Variants in CDO1 observed in about 807,000 individuals in gnomAD.
The protein encoded by CDO1 is cysteine dioxygenase type 1, also known as cysteine dioxygenase, type I.
In CDO1, 19 loss-of-function variants were observed where a neutral mutation model predicts 24.5. The observed-to-expected ratio is 0.77, with a 90% confidence interval of 0.54 to 1.14. The LOEUF (loss-of-function observed/expected upper bound fraction) is 1.14. Ranked by LOEUF, CDO1 falls within the 50% of genes most tolerant of loss-of-function variation. The pLI, the probability that CDO1 is intolerant of heterozygous loss-of-function variation, is 0.00. For synonymous variants in CDO1, 91 were observed against 87.0 expected, an observed-to-expected ratio of 1.05 and a Z score of -0.26; for missense variants, 244 against 244.8, an observed-to-expected ratio of 1.00 and a Z score of 0.02.
intron 2 of CDO1, 65 bp downstream of exon 2, chr5:115,813,116 A>G: frequency 1.2e-6 from 1 of 855,188 alleles, no homozygotes; most frequent in Non-Finnish European, 2.0e-6. Context: ...CTAGCCTGGT[A>G]CTATATTTTT....
chr5:115,811,119 TG>T, intron 3 of CDO1, 41 bp downstream of exon 3: 2 of 1,575,376 alleles, frequency 1.3e-6, no homozygotes, highest in Non-Finnish European at 1.7e-6. Flanking sequence ...CAAAAGGTCA[TG>T]GTTCTTCCCA....
At position 115,811,858 on chromosome 5, in the gene CDO1, G is replaced by A. The variant is rs540266318; in HGVS notation, c.249-543C>T. On this transcript the variant is annotated intron_variant, in intron 2 of 4. Transcript: ENST00000250535. ...TGTATTACCATCCTAAAGTTACACT[G>A]TATATAAAATGTTAACATTGTGTCA... Among the ~76,000 whole-genome samples the A allele has an allele frequency of 5.3e-5, 8 of 152,274 alleles. No individual in the cohort carries two copies. In the South Asian group the frequency reaches 1.4e-3, roughly 28 times the overall value.
Position 115,811,433 on chromosome 5 carries a change from A to T in CDO1, c.249-118T>A. On this transcript the variant is annotated intron_variant, in intron 2 of 4. Coordinates refer to ENST00000250535, the MANE Select transcript of CDO1 (RefSeq NM_001801.3). ...GTCAATAAGCTATCTCCCCAGCCAA[A>T]ATCCATTTCAGCTGAATTTTTAAAA... 3 of 661,308 alleles carry T rather than the reference A, an allele frequency of 4.5e-6. No individual in the cohort carries two copies. The South Asian group carries it at 7.0e-5, about 15-fold the overall frequency. The allele number at this position is 661,308 out of a possible 1,614,324, so 41.0% of individuals were successfully genotyped here. A position where few individuals can be genotyped will look rare whatever the true frequency, so the allele number is the denominator to read the frequency against.
At position 115,816,450 on chromosome 5, in the gene CDO1, G is replaced by A; in HGVS notation, c.-53C>T. 6.3e-7 allele frequency: 1 copy of A among 1,595,422 alleles called. No homozygotes were observed. The highest frequency in any genetic ancestry group is 1.1e-5 in the South Asian group (1 of 89,926). The stretch of plus-strand genomic sequence containing the variant: ...CTCACTGCTGGGCTGCGGTGGAGGA[G>A]CTGAGCGAGCCAAGGAGCTGGGGGC... On this transcript the variant is annotated 5_prime_UTR_variant, in exon 1 of 5. Coordinates refer to ENST00000250535, the MANE Select transcript of CDO1 (RefSeq NM_001801.3).
intron 3 of CDO1, among the ~76,000 whole-genome samples, chr5:115,808,170 G>A (rs1760032998): frequency 6.6e-6 from 1 of 151,904 alleles, no homozygotes; most frequent in South Asian, 2.1e-4. Context: ...GTAGAGATGG[G>A]GTTTCAACAT....
intron 3 of CDO1, among the ~76,000 whole-genome samples, chr5:115,809,104 A>T (rs969253520): frequency 6.6e-6 from 1 of 152,236 alleles, no homozygotes; most frequent in Non-Finnish European, 1.5e-5. Context: ...GCTAAAGCAC[A>T]GTTTTGAACA....
rs985782810 is a variant in CDO1, at chr5:115,807,304, A to G, written c.404-786T>C. Among the ~76,000 whole-genome samples the G allele has an allele frequency of 3.3e-5, 5 of 152,236 alleles. No individual in the cohort carries two copies. In the South Asian group the frequency reaches 1.0e-3, roughly 31 times the overall value. ...TGTCGCTGGAAGTTCCTGAAGAAAA[A>G]GTCTCTGCCAGACTATCAAAAAGTG... On this transcript the variant is annotated intron_variant, in intron 3 of 4. Coordinates refer to ENST00000250535, the MANE Select transcript of CDO1 (RefSeq NM_001801.3).
Position 115,816,431 on chromosome 5 carries a change from G to A in CDO1, c.-34C>T, listed in dbSNP as rs1247407658. 2 of 1,606,624 alleles carry A rather than the reference G, an allele frequency of 1.2e-6. No individual in the cohort carries two copies. The highest frequency in any genetic ancestry group is 1.7e-5 in the Admixed American group (1 of 59,974). ...GAGCTGGCTGCGCGCGCGTCTCACT[G>A]CTGGGCTGCGGTGGAGGAGCTGAGC... is the stretch of plus-strand genomic sequence containing the variant. On this transcript the variant is annotated 5_prime_UTR_variant, in exon 1 of 5. Coordinates refer to ENST00000250535, the MANE Select transcript of CDO1 (RefSeq NM_001801.3).
At chr5:115,808,073 G>A (rs980916960) in intron 3 of CDO1, among the ~76,000 whole-genome samples, 2 of 151,940 alleles carry the variant, frequency 1.3e-5, no homozygotes, top group Non-Finnish European at 2.9e-5. Context: ...TCCACCTCCC[G>A]GGCTCAAGTG....
At position 115,805,425 on chromosome 5, in the gene CDO1, G is replaced by C; in HGVS notation, c.*8C>G. On this transcript the variant is annotated 3_prime_UTR_variant, in exon 5 of 5. Transcript: ENST00000250535. ...CTTAAAGTAAAACCTCAGAGGGTTT[G>C]GTGCCCCTTAGTTGTTCTCCAGCGA... 6.2e-7 allele frequency: 1 copy of C among 1,613,510 alleles called. No individual in the cohort carries two copies. The highest frequency in any genetic ancestry group is 8.5e-7 in the Non-Finnish European group (1 of 1,179,644).
In CDO1 at chr5:115,806,509, C is replaced by G. The variant is rs1246158304; in HGVS notation, c.413G>C (p.Gly138Ala). Residue 138 changes from glycine to alanine, a missense_variant, in exon 4 of 5, where the codon GGC becomes GCC. Transcript: ENST00000250535. ...GCTGATGTTCTCTACTCGATGTAAG[C>G]CAATGGAATCTAAACAATATCCGGG... ...NQCAYINDSI[G>A]LHRVENISHT... 6.2e-7 allele frequency: 1 copy of G among 1,604,964 alleles called. No individual in the cohort carries two copies. Among genetic ancestry groups the G allele is most frequent in the Non-Finnish European group, 8.5e-7 (1 of 1,177,100 alleles).
rs4921029 is a variant in CDO1, at chr5:115,805,399, C to T, written c.*34G>A. On this transcript the variant is annotated 3_prime_UTR_variant, in exon 5 of 5. Coordinates refer to ENST00000250535, the MANE Select transcript of CDO1 (RefSeq NM_001801.3). ...TTGTCCAAGGCAAACATACAGCGAACCTTAAAGTAAAACCTCAGAGGGTTT... is the reference window on the plus strand; with the variant it reads ...TTGTCCAAGGCAAACATACAGCGAATCTTAAAGTAAAACCTCAGAGGGTTT... 6.2e-7 allele frequency: 1 copy of T among 1,607,316 alleles called. No homozygotes were observed. The highest frequency in any genetic ancestry group is 8.5e-7 in the Non-Finnish European group (1 of 1,175,556).
chr5:115,811,388 A>G, intron 2 of CDO1, 73 bp from the exon 3 acceptor site: 2 of 1,095,310 alleles, frequency 1.8e-6, no homozygotes, highest in South Asian at 2.8e-5. Context: ...CAGTCTTCCC[A>G]GAACTGACAC....
chr5:115,808,464 T>C (rs1329485169), intron 3 of CDO1, among the ~76,000 whole-genome samples: 1 of 152,132 alleles, frequency 6.6e-6, no homozygotes, highest in East Asian at 1.9e-4. Flanking sequence ...CATGGATCCT[T>C]TCTTGTGGAG....
chr5:115,805,152 A>T lies in CDO1; in HGVS notation c.*281T>A, dbSNP rs1344089158. On this transcript the variant is annotated 3_prime_UTR_variant, in exon 5 of 5. Coordinates refer to ENST00000250535, the MANE Select transcript of CDO1 (RefSeq NM_001801.3). ...TATGAAAACCCTCACTGACGCTCCTAGTATGGATTTAATGGAATTAGAGGA... is the reference window on the plus strand; with the variant it reads ...TATGAAAACCCTCACTGACGCTCCTTGTATGGATTTAATGGAATTAGAGGA... 12 of 355,366 alleles carry T rather than the reference A, an allele frequency of 3.4e-5. No homozygotes were observed. 22.0% of individuals were successfully genotyped at this position (355,366 alleles called of 1,614,324 possible). A position where few individuals can be genotyped will look rare whatever the true frequency, so the allele number is the denominator to read the frequency against.
intron 2 of CDO1, 144 bp from the exon 3 acceptor site, chr5:115,811,459 T>A (rs1236445505): frequency 1.7e-6 from 1 of 585,256 alleles, no homozygotes; most frequent in Non-Finnish European, 3.0e-6. Context: ...ATTTTTAAAA[T>A]GTTATCAACT....
At position 115,806,466 on chromosome 5, in the gene CDO1, C is replaced by T; in HGVS notation, c.456G>A (p.Val152=). The T allele has an allele frequency of 6.2e-7, 1 of 1,611,296 alleles. No homozygotes were observed. Among genetic ancestry groups the T allele is most frequent in the East Asian group, 2.2e-5 (1 of 44,728 alleles). ...VENISHTEPA[V]SLHLYSPPFD... is the part of the protein sequence containing the mutation. ...AAGGTGGACTGTACAAGTGAAGGCT[C>T]ACAGCAGGTTCCGTATGGCTGATGT... Residue 152 remains valine (V), a synonymous_variant, in exon 4 of 5, where the codon GTG becomes GTA. Transcript: ENST00000250535.
chr5:115,812,816 G>A (rs1031295019), intron 2 of CDO1, among the ~76,000 whole-genome samples: 1 of 152,026 alleles, frequency 6.6e-6, no homozygotes, highest in African/African-American at 2.4e-5. Flanking sequence ...GGGATGCCGA[G>A]GTGAGTGGAT....
In CDO1 at chr5:115,805,300, C is replaced by G; in HGVS notation, c.*133G>C. On this transcript the variant is annotated 3_prime_UTR_variant, in exon 5 of 5. Transcript: ENST00000250535. ...TGCTTACTTAATGCCTTATAATTAG[C>G]ATCTGCCTTACAGTAGATCTAAGTA... is the stretch of plus-strand genomic sequence containing the variant. The G allele has an allele frequency of 1.4e-6, 1 of 693,656 alleles. No individual in the cohort carries two copies. Among genetic ancestry groups the G allele is most frequent in the Non-Finnish European group, 2.5e-6 (1 of 407,020 alleles). 43.0% of individuals were successfully genotyped at this position (693,656 alleles called of 1,614,324 possible).
Sources: allele counts gnomAD v4.1 joint callset (sites outside exome capture counted in the v4.1 genomes callset), GRCh38; gene constraint gnomAD v4.1.1; transcripts MANE v1.5; gene names NCBI Gene and HGNC (gene_info 2026-07-23, HGNC 2026-07-21).